The following TFCP2 variants were observed in gnomAD, a reference collection of about 807,000 sequenced individuals.
The protein encoded by TFCP2 is alpha-globin transcription factor CP2.
TFCP2 carries 33 observed loss-of-function variants against 73.4 expected under a neutral mutation model. The observed-to-expected ratio is 0.45, with a 90% CI of 0.34 to 0.60. TFCP2 has a LOEUF of 0.60. Ranked by LOEUF, TFCP2 falls within the 20% of genes least tolerant of loss-of-function variation. TFCP2 has a pLI of 0.01. For missense variants in TFCP2, 352 were observed against 604.0 expected, an observed-to-expected ratio of 0.58 and a Z score of 4.37; for synonymous variants, 193 against 211.6, an observed-to-expected ratio of 0.91 and a Z score of 0.76.
At chr12:51,128,478 T>TAAAAAAAAAAAAA (rs11324129) in intron 1 of TFCP2, among the ~76,000 whole-genome samples, 4 of 137,298 alleles carry the variant, frequency 2.9e-5, no homozygotes, top group Admixed American at 7.3e-5. Flanking sequence ...AGTATAATAA[T>TAAAAAAAAAAAAA]AAAAAAAAAA....
At chr12:51,101,723 C>G (rs572143399) in intron 11 of TFCP2, among the ~76,000 whole-genome samples, 1 of 152,204 alleles carries the variant, frequency 6.6e-6, no homozygotes, top group South Asian at 2.1e-4. Flanking sequence ...AAAATTCATT[C>G]ACCTGGAAAT....
chr12:51,152,016 C>T (rs1273380829), intron 1 of TFCP2, among the ~76,000 whole-genome samples: 1 of 152,090 alleles, frequency 6.6e-6, no homozygotes, highest in Non-Finnish European at 1.5e-5. Flanking sequence ...CATCTGAATG[C>T]TAAAATTAAC....
intron 1 of TFCP2, chr12:51,157,041 G>C (rs1319135822): frequency 7.0e-6 from 1 of 142,924 alleles, no homozygotes; most frequent in Non-Finnish European, 1.5e-5. Flanking sequence ...TTGAGATAGA[G>C]TTTCACTCTT....
At chr12:51,116,492 A>T (rs1195352360) in intron 3 of TFCP2, 72 bp from the exon 4 acceptor site, 2 of 751,106 alleles carry the variant, frequency 2.7e-6, no homozygotes, top group South Asian at 4.9e-5. Context: ...AAAAACTAGC[A>T]GGATTCACTG....
Position 51,103,716 on chromosome 12 carries a change from A to G in TFCP2, c.1014T>C (p.His338=). ...TTGTGAATGTAGAAAAACGATTTCGATGCAACCACTGCTGAGCTTCCTGAG... is the reference window on the plus strand; with the variant it reads ...TTGTGAATGTAGAAAAACGATTTCGGTGCAACCACTGCTGAGCTTCCTGAG... ...TTPQEAQQWL[H]RNRFSTFTRL... The change falls in exon 10 of 15, where the codon CAT becomes CAC. Residue 338 remains histidine (H), a synonymous_variant. Coordinates refer to ENST00000257915, the MANE Select transcript of TFCP2 (RefSeq NM_005653.5). 1 of 1,614,126 alleles carries G rather than the reference A, an allele frequency of 6.2e-7. No homozygotes were observed. Among genetic ancestry groups the G allele is most frequent in the Non-Finnish European group, 8.5e-7 (1 of 1,180,006 alleles).
chr12:51,118,949 T>C (rs1056577659), intron 1 of TFCP2, among the ~76,000 whole-genome samples, 177 bp from the exon 2 acceptor site: 4 of 152,206 alleles, frequency 2.6e-5, no homozygotes, highest in Non-Finnish European at 5.9e-5. Context: ...ACCACAACAG[T>C]GTGGGTGATG....
rs1332694445 is a variant in TFCP2, at chr12:51,118,561, CA to C, written c.274+59del. 3.4e-5 allele frequency: 54 copies of C among 1,572,576 alleles called. 1 individual carries two copies. The South Asian group carries it at 5.9e-4, about 17-fold the overall frequency. On this transcript the variant is annotated intron_variant, in intron 2 of 14. Coordinates refer to ENST00000257915, the MANE Select transcript of TFCP2 (RefSeq NM_005653.5). ...CGCCGTCTCAAAACAAACAAACAAA[CA>C]AAAAAATCATAAATACAGTAGGTCT... is the stretch of plus-strand genomic sequence containing the variant.
At chr12:51,097,252 CT>C (rs1021259599) in intron 13 of TFCP2, among the ~76,000 whole-genome samples, 1 of 151,304 alleles carries the variant, frequency 6.6e-6, no homozygotes, top group African/African-American at 2.4e-5. Flanking sequence ...GCCTGGCCTT[CT>C]TTTTTTCTTT....
intron 1 of TFCP2, among the ~76,000 whole-genome samples, chr12:51,131,533 TACATCTTATGA>T (rs1462822107): frequency 1.3e-5 from 2 of 152,182 alleles, no homozygotes; most frequent in African/African-American, 4.8e-5. Flanking sequence ...AGAGAATGTC[TACATCTTATGA>T]ACATCCACTT....
chr12:51,124,840 C>T (rs1287610361), intron 1 of TFCP2: 2 of 1,268,758 alleles, frequency 1.6e-6, no homozygotes, highest in South Asian at 1.2e-5. Flanking sequence ...CTCTCTGCTT[C>T]CTGCTGAGCC....
intron 1 of TFCP2, among the ~76,000 whole-genome samples, chr12:51,158,573 C>G (rs1285098146): frequency 6.6e-6 from 1 of 152,058 alleles, no homozygotes; most frequent in Non-Finnish European, 1.5e-5. Context: ...ACTGCAACCT[C>G]TGCCTCCCAG....
chr12:51,152,809 T>C (rs970108972), intron 1 of TFCP2, among the ~76,000 whole-genome samples: 2 of 152,222 alleles, frequency 1.3e-5, no homozygotes, highest in Non-Finnish European at 2.9e-5. Context: ...AAAATACACA[T>C]AACAAAATTT....
At position 51,104,413 on chromosome 12, in the gene TFCP2, A is replaced by G. The variant is rs111835182; in HGVS notation, c.918-210T>C. Among the ~76,000 whole-genome samples the G allele has an allele frequency of 9.4e-3, 1,438 of 152,346 alleles. 14 individuals are homozygous for G. Among genetic ancestry groups the G allele is most frequent in the Middle Eastern group, 0.044 (13 of 294 alleles). ...GAGGAGGGGGAGAAACTATGTCATT[A>G]GCAATATTTTCTTATTATTGAGGAA... On this transcript the variant is annotated intron_variant, in intron 8 of 14. Coordinates refer to ENST00000257915, the MANE Select transcript of TFCP2 (RefSeq NM_005653.5).
intron 1 of TFCP2, among the ~76,000 whole-genome samples, chr12:51,172,068 G>A (rs958774980): frequency 2.6e-5 from 4 of 152,074 alleles, no homozygotes; most frequent in African/African-American, 7.2e-5. Context: ...TACTAATCAG[G>A]GACCACTTCC....
chr12:51,158,207 G>A lies in TFCP2; in HGVS notation c.122+14094C>T, dbSNP rs541720414. ...TTCTTTTATTATTTTTTGTAGAGAC[G>A]AGGTCTTGCTATGTTGCCCAGGCCA... On this transcript the variant is annotated intron_variant, in intron 1 of 14. Transcript: ENST00000257915. Among the ~76,000 whole-genome samples, 4 of 151,342 alleles carry A rather than the reference G, an allele frequency of 2.6e-5. No individual in the cohort carries two copies. In the South Asian group the frequency reaches 6.3e-4, roughly 24 times the overall value.
chr12:51,147,397 C>A (rs1941321180), intron 1 of TFCP2, among the ~76,000 whole-genome samples: 1 of 151,944 alleles, frequency 6.6e-6, no homozygotes, highest in Admixed American at 6.6e-5. Context: ...AACTGGAACA[C>A]CAATTTGTGT....
At chr12:51,144,395 G>A (rs1245421694) in intron 1 of TFCP2, among the ~76,000 whole-genome samples, 2 of 152,120 alleles carry the variant, frequency 1.3e-5, no homozygotes, top group African/African-American at 4.8e-5. Context: ...AAAAGAATGA[G>A]ATGAGGGCTA....
intron 1 of TFCP2, among the ~76,000 whole-genome samples, chr12:51,167,794 C>T (rs1941785293): frequency 6.6e-6 from 1 of 152,064 alleles, no homozygotes; most frequent in Admixed American, 6.6e-5. Flanking sequence ...GGAACCGCGG[C>T]TGACATGTGT....
At chr12:51,133,529 C>G (rs1940997637) in intron 1 of TFCP2, among the ~76,000 whole-genome samples, 1 of 152,176 alleles carries the variant, frequency 6.6e-6, no homozygotes, top group African/African-American at 2.4e-5. Context: ...TGAGACTGGT[C>G]TCAAATTCCT....
Sources: gnomAD v4.1 joint callset for allele counts (sites outside exome capture counted in the v4.1 genomes callset) on GRCh38, gnomAD v4.1.1 for gene constraint, MANE v1.5 for transcripts, NCBI Gene and HGNC (gene_info 2026-07-23, HGNC 2026-07-21) for gene names.